CNTNAP5: variants seen among roughly 807,000 people sequenced by gnomAD.
CNTNAP5 encodes contactin associated protein family member 5.
Under a neutral mutation model 150.2 loss-of-function variants are expected in CNTNAP5, and 72 were observed. That is an observed-to-expected ratio of 0.48 (90% CI 0.40 to 0.58). CNTNAP5 has a LOEUF of 0.58. Among genes scored for constraint, CNTNAP5 ranks in the 20% least tolerant of loss-of-function variants. The probability of loss-of-function intolerance (pLI) is 0.00; values close to 1 mark genes in which losing one functional copy is unlikely to be tolerated. For missense variants in CNTNAP5, 1,636 were observed against 1,626.2 expected, an observed-to-expected ratio of 1.01 and a Z score of -0.10; for synonymous variants, 672 against 619.8, an observed-to-expected ratio of 1.08 and a Z score of -1.25.
intron 13 of CNTNAP5, among the ~76,000 whole-genome samples, chr2:124,690,127 T>A (rs567717782): frequency 8.6e-5 from 13 of 151,770 alleles, no homozygotes; most frequent in Non-Finnish European, 1.8e-4. Context: ...TCACTTGGAG[T>A]GAAAAGTAAA....
Position 124,373,228 on chromosome 2 carries a change from C to G in CNTNAP5, c.382-44215C>G, listed in dbSNP as rs536441601. On this transcript the variant is annotated intron_variant, in intron 3 of 23. Coordinates refer to ENST00000682447, the MANE Select transcript of CNTNAP5 (RefSeq NM_001367498.1). ...TCTTGGAAGACATAAGAAATGATGACGAGAACTATTATTTCTAATCTAAAA... is the reference window on the plus strand; with the variant it reads ...TCTTGGAAGACATAAGAAATGATGAGGAGAACTATTATTTCTAATCTAAAA... 1.3e-4 allele frequency among the ~76,000 whole-genome samples: 20 copies of G among 152,170 alleles called. No individual in the cohort carries two copies. In the South Asian group the frequency reaches 4.1e-3, roughly 32 times the overall value.
At chr2:124,145,835 A>AG (rs1684234518) in intron 1 of CNTNAP5, among the ~76,000 whole-genome samples, 17 of 49,782 alleles carry the variant, frequency 3.4e-4, no homozygotes, top group Non-Finnish European at 4.8e-4. Flanking sequence ...AAAAGAAGAA[A>AG]AAAAAAAAAA....
chr2:124,869,379 A>G (rs755205131), intron 20 of CNTNAP5, among the ~76,000 whole-genome samples: 5 of 152,328 alleles, frequency 3.3e-5, no homozygotes, highest in Admixed American at 6.5e-5. Context: ...TGTTTGCAGC[A>G]AAGAATTTGG....
intron 13 of CNTNAP5, among the ~76,000 whole-genome samples, chr2:124,649,376 G>A (rs144783883): frequency 7.3e-4 from 111 of 152,242 alleles, no homozygotes; most frequent in Middle Eastern, 3.4e-3. Context: ...TGCTACCTCA[G>A]CACAGTTCTC....
chr2:124,304,398 G>A (rs950345720), intron 3 of CNTNAP5, among the ~76,000 whole-genome samples: 1 of 148,214 alleles, frequency 6.7e-6, no homozygotes, highest in African/African-American at 2.6e-5. Flanking sequence ...AGTAGACTCT[G>A]CAAGAAAACA....
intron 1 of CNTNAP5, among the ~76,000 whole-genome samples, chr2:124,059,766 A>C (rs1299856467): frequency 6.6e-6 from 1 of 151,886 alleles, no homozygotes; most frequent in Non-Finnish European, 1.5e-5. Flanking sequence ...GTTTTTCAAT[A>C]TCTGTGTGGC....
At chr2:124,328,484 G>T (rs1689273557) in intron 3 of CNTNAP5, among the ~76,000 whole-genome samples, 1 of 152,086 alleles carries the variant, frequency 6.6e-6, no homozygotes, top group Non-Finnish European at 1.5e-5. Context: ...CCCTAAATTA[G>T]TTCCTTCTCC....
intron 3 of CNTNAP5, among the ~76,000 whole-genome samples, chr2:124,403,423 T>G (rs931987249): frequency 1.3e-5 from 2 of 152,248 alleles, no homozygotes; most frequent in African/African-American, 4.8e-5. Context: ...ATTTTCTTGA[T>G]GAGTAAACAG....
At chr2:124,090,044 T>C (rs1235434895) in intron 1 of CNTNAP5, among the ~76,000 whole-genome samples, 3 of 152,192 alleles carry the variant, frequency 2.0e-5, no homozygotes, top group African/African-American at 7.2e-5. Context: ...GGCACCAGAA[T>C]TGACCATTAT....
At chr2:124,779,216 A>T (rs1681397256) in intron 17 of CNTNAP5, among the ~76,000 whole-genome samples, 1 of 152,218 alleles carries the variant, frequency 6.6e-6, no homozygotes, top group African/African-American at 2.4e-5. Context: ...GGGGATTCAC[A>T]TCCAGTGACT....
chr2:124,450,793 T>C (rs1692949246), intron 6 of CNTNAP5, among the ~76,000 whole-genome samples: 1 of 151,512 alleles, frequency 6.6e-6, no homozygotes, highest in African/African-American at 2.4e-5. Context: ...AAGGCTTTTC[T>C]TATCAAAAGT....
chr2:124,625,855 C>T (rs1677710259), intron 12 of CNTNAP5, among the ~76,000 whole-genome samples: 1 of 152,192 alleles, frequency 6.6e-6, no homozygotes, highest in Admixed American at 6.5e-5. Flanking sequence ...CCATCTCTTA[C>T]AGCAATTTTA....
intron 10 of CNTNAP5, among the ~76,000 whole-genome samples, chr2:124,527,901 C>G (rs558297489): frequency 1.3e-5 from 2 of 152,282 alleles, no homozygotes; most frequent in South Asian, 4.1e-4. Flanking sequence ...TAACACACAA[C>G]TACTCCTGGG....
chr2:124,796,051 T>C (rs1328413985), intron 18 of CNTNAP5, among the ~76,000 whole-genome samples: 3 of 152,108 alleles, frequency 2.0e-5, no homozygotes, highest in Non-Finnish European at 4.4e-5. Flanking sequence ...ACTCTTAGAT[T>C]ATAAAGTACA....
chr2:124,768,271 ATG>A (rs10598326), intron 16 of CNTNAP5, among the ~76,000 whole-genome samples: 6,231 of 131,244 alleles, frequency 0.047, 308 homozygotes, highest in African/African-American at 0.13. Context: ...TACTGTATGT[ATG>A]TGTGTGTGTG....
intron 16 of CNTNAP5, among the ~76,000 whole-genome samples, chr2:124,768,071 CA>C (rs1268377287): frequency 1.3e-5 from 2 of 152,112 alleles, no homozygotes; most frequent in South Asian, 4.1e-4. Flanking sequence ...CCCTGAAGCC[CA>C]TGGGAATGGG....
At chr2:124,784,274 T>C (rs1681517748) in intron 17 of CNTNAP5, among the ~76,000 whole-genome samples, 1 of 152,136 alleles carries the variant, frequency 6.6e-6, no homozygotes, top group African/African-American at 2.4e-5. Flanking sequence ...TGAAAATCAG[T>C]TTTGCTGGAG....
chr2:124,912,572 C>T (rs1238431078), intron 23 of CNTNAP5, among the ~76,000 whole-genome samples: 1 of 152,126 alleles, frequency 6.6e-6, no homozygotes, highest in African/African-American at 2.4e-5. Flanking sequence ...GTTCCTAAAA[C>T]TTCTGACCTG....
chr2:124,674,897 G>A (rs534251314), intron 13 of CNTNAP5, among the ~76,000 whole-genome samples: 2 of 151,828 alleles, frequency 1.3e-5, no homozygotes, highest in African/African-American at 4.8e-5. Flanking sequence ...TTATTTTTAA[G>A]CATATGGTCT....
Sources: gnomAD v4.1 joint callset for allele counts (sites outside exome capture counted in the v4.1 genomes callset) on GRCh38, gnomAD v4.1.1 for gene constraint, MANE v1.5 for transcripts, NCBI Gene and HGNC (gene_info 2026-07-23, HGNC 2026-07-21) for gene names.